The following RBFOX1 variants were observed in gnomAD, a reference collection of about 807,000 sequenced individuals.
The protein encoded by RBFOX1 is RNA binding fox-1 homolog 1, also known as RNA binding protein fox-1 homolog 1.
RBFOX1 carries 8 observed loss-of-function variants against 57.7 expected under a neutral mutation model. The ratio of observed to expected loss-of-function variants is 0.14; its 90% confidence interval spans 0.08 to 0.25. The LOEUF is 0.25. RBFOX1 is among the 10% of genes least tolerant of loss of function. The pLI is 1.00. For missense variants in RBFOX1, 611 were observed against 548.5 expected, an observed-to-expected ratio of 1.11 and a Z score of -1.14; for synonymous variants, 326 against 222.4, an observed-to-expected ratio of 1.47 and a Z score of -4.15.
At chr16:5,294,340 G>T (rs534224952) in intron 1 of RBFOX1, among the ~76,000 whole-genome samples, 1 of 152,158 alleles carries the variant, frequency 6.6e-6, no homozygotes, top group Non-Finnish European at 1.5e-5. Flanking sequence ...TGGGCACTGC[G>T]GTTTTAAAAT....
intron 3 of RBFOX1, among the ~76,000 whole-genome samples, chr16:5,799,890 A>T (rs181402501): frequency 1.6e-4 from 24 of 152,050 alleles, no homozygotes; most frequent in Admixed American, 4.6e-4. Context: ...AAATTAATTT[A>T]AAAAAAATAA....
chr16:7,612,908 A>C (rs1472046983), intron 10 of RBFOX1, among the ~76,000 whole-genome samples: 1 of 152,208 alleles, frequency 6.6e-6, no homozygotes, highest in Non-Finnish European at 1.5e-5. Flanking sequence ...AGCAAAGCTT[A>C]ACAAGATTCA....
At chr16:7,006,708 A>G (rs2093323106) in intron 3 of RBFOX1, among the ~76,000 whole-genome samples, 1 of 152,156 alleles carries the variant, frequency 6.6e-6, no homozygotes, top group African/African-American at 2.4e-5. Context: ...TTGGTCTCCC[A>G]ATGTGCTGGG....
At chr16:5,505,189 C>A (rs903941094) in intron 2 of RBFOX1, among the ~76,000 whole-genome samples, 1 of 152,204 alleles carries the variant, frequency 6.6e-6, no homozygotes, top group Non-Finnish European at 1.5e-5. Flanking sequence ...GCATAAACCT[C>A]TTGTATGACC....
At chr16:7,557,752 G>C (rs1321656444) in intron 5 of RBFOX1, among the ~76,000 whole-genome samples, 2 of 151,248 alleles carry the variant, frequency 1.3e-5, no homozygotes, top group African/African-American at 2.4e-5. Context: ...TGTAATCAGT[G>C]AAGTGCTAGT....
chr16:6,961,480 G>A (rs561547146), intron 3 of RBFOX1, among the ~76,000 whole-genome samples: 10 of 152,206 alleles, frequency 6.6e-5, no homozygotes, highest in African/African-American at 2.4e-4. Context: ...CCCAAAGGAG[G>A]GTTCTTGGAA....
chr16:5,495,142 A>G (rs905597573), intron 2 of RBFOX1, among the ~76,000 whole-genome samples: 2 of 152,192 alleles, frequency 1.3e-5, no homozygotes, highest in Admixed American at 6.5e-5. Context: ...TCATGGCAGA[A>G]GGCAAAGGGG....
chr16:6,170,351 A>T (rs965677507), intron 1 of RBFOX1, among the ~76,000 whole-genome samples: 16 of 152,030 alleles, frequency 1.1e-4, no homozygotes, highest in African/African-American at 3.9e-4. Context: ...TCTTTTTCCA[A>T]TGCCTTTGAC....
Position 5,403,813 on chromosome 16 carries a change from T to G in RBFOX1, c.220-63403T>G, listed in dbSNP as rs187147421. 2.3e-3 allele frequency among the ~76,000 whole-genome samples: 354 copies of G among 152,282 alleles called. 2 individuals are homozygous for G. The highest frequency in any genetic ancestry group is 8.0e-3 in the African/African-American group (334 of 41,554). ...ATCCCCACTGCTCTATTCAGTGATT[T>G]CCTGCCTCACTCCTGGGTCCCAACT... On this transcript the variant is annotated intron_variant, in intron 1 of 2. Coordinates refer to the RBFOX1 transcript ENST00000585867.
intron 3 of RBFOX1, among the ~76,000 whole-genome samples, chr16:6,971,221 C>T: frequency 6.6e-6 from 1 of 152,212 alleles, no homozygotes; most frequent in African/African-American, 2.4e-5. Flanking sequence ...AAGAGGTGTG[C>T]TAAAAGGCAG....
At chr16:5,515,888 C>T (rs977180716) in intron 2 of RBFOX1, among the ~76,000 whole-genome samples, 1 of 152,156 alleles carries the variant, frequency 6.6e-6, no homozygotes, top group African/African-American at 2.4e-5. Flanking sequence ...TCACCTAATC[C>T]TCACAGTAAC....
At chr16:5,827,443 A>G (rs898003142) in intron 3 of RBFOX1, among the ~76,000 whole-genome samples, 4 of 151,792 alleles carry the variant, frequency 2.6e-5, no homozygotes, top group Non-Finnish European at 5.9e-5. Context: ...GCTGCATTGA[A>G]CAACTCATAT....
intron 14 of RBFOX1, 46 bp from the exon 15 acceptor site, chr16:7,709,010 G>A (rs777067710): frequency 2.6e-6 from 4 of 1,531,540 alleles, no homozygotes; most frequent in Admixed American, 3.4e-5. Context: ...TTATTGTTTT[G>A]TAATTGCATA....
At chr16:7,277,797 A>T (rs556887733) in intron 4 of RBFOX1, among the ~76,000 whole-genome samples, 104 of 152,344 alleles carry the variant, frequency 6.8e-4, no homozygotes, top group African/African-American at 2.5e-3. Flanking sequence ...AATATCAGTT[A>T]AAATGAAATT....
chr16:6,082,021 A>G (rs1012756989), intron 1 of RBFOX1, among the ~76,000 whole-genome samples: 13 of 152,184 alleles, frequency 8.5e-5, no homozygotes, highest in Non-Finnish European at 1.6e-4. Context: ...AGTTTTGAAT[A>G]TGAGCTTCAA....
At chr16:6,607,292 T>C (rs959530019) in intron 2 of RBFOX1, among the ~76,000 whole-genome samples, 5 of 152,202 alleles carry the variant, frequency 3.3e-5, no homozygotes, top group African/African-American at 1.2e-4. Context: ...AAGAGAAATG[T>C]CAGCTCTCAT....
chr16:6,171,955 G>A (rs2152767333), intron 1 of RBFOX1, among the ~76,000 whole-genome samples: 1 of 152,140 alleles, frequency 6.6e-6, no homozygotes, highest in East Asian at 1.9e-4. Flanking sequence ...CTGAGTAGCT[G>A]GGATTACAGG....
chr16:6,844,301 C>G (rs948367330), intron 3 of RBFOX1, among the ~76,000 whole-genome samples: 6 of 152,092 alleles, frequency 3.9e-5, no homozygotes, highest in African/African-American at 1.4e-4. Flanking sequence ...ATCCCATCAC[C>G]TAGGTATTAA....
At chr16:5,482,898 A>G (rs574464304) in intron 2 of RBFOX1, among the ~76,000 whole-genome samples, 2 of 152,216 alleles carry the variant, frequency 1.3e-5, no homozygotes. Context: ...AAGGCCAAAC[A>G]AAAAGAAAAG....
Sources: gnomAD v4.1 joint callset for allele counts (sites outside exome capture counted in the v4.1 genomes callset) on GRCh38, gnomAD v4.1.1 for gene constraint, MANE v1.5 for transcripts, NCBI Gene and HGNC (gene_info 2026-07-23, HGNC 2026-07-21) for gene names.